The following CALN1 variants were observed in gnomAD, a reference collection of about 807,000 sequenced individuals.
CALN1 encodes the protein calneuron 1.
A neutral mutation model predicts 30.6 loss-of-function variants in CALN1; 17 were observed. That is an observed-to-expected ratio of 0.56 (90% CI 0.38 to 0.83). The LOEUF is 0.83. Ranked by LOEUF, CALN1 falls within the 40% of genes least tolerant of loss-of-function variation. The probability of loss-of-function intolerance (pLI) is 0.00; values close to 1 mark genes in which losing one functional copy is unlikely to be tolerated. For synonymous variants in CALN1, 156 were observed against 131.4 expected (o/e 1.19, Z -1.28); for missense variants, 291 against 354.9 (o/e 0.82, Z 1.45).
chr7:72,067,509 G>A (rs373783394), intron 4 of CALN1, among the ~76,000 whole-genome samples: 6 of 151,884 alleles, frequency 4.0e-5, no homozygotes, highest in African/African-American at 7.3e-5. Context: ...CTCAGCCTCC[G>A]GAAGTGTTGG....
At chr7:71,860,140 AT>A (rs1328670714) in intron 5 of CALN1, among the ~76,000 whole-genome samples, 3 of 151,730 alleles carry the variant, frequency 2.0e-5, no homozygotes, top group African/African-American at 7.3e-5. Flanking sequence ...GGGTGGGTGC[AT>A]TCCTCCTTTC....
chr7:71,883,714 C>T (rs922804219), intron 5 of CALN1, among the ~76,000 whole-genome samples: 8 of 152,114 alleles, frequency 5.3e-5, no homozygotes, highest in Non-Finnish European at 1.0e-4. Flanking sequence ...GGTCAAACAA[C>T]CTTGATGTGA....
chr7:71,817,574 G>T (rs1216780550), intron 5 of CALN1, among the ~76,000 whole-genome samples: 1 of 152,270 alleles, frequency 6.6e-6, no homozygotes, highest in African/African-American at 2.4e-5. Flanking sequence ...GGAGTGCAGT[G>T]GTGTGATCTC....
At chr7:72,461,570 C>G in the CALN1 span, among the ~76,000 whole-genome samples, 7 of 152,180 alleles carry the variant, frequency 4.6e-5, no homozygotes, top group African/African-American at 1.7e-4. Context: ...CAACCAAAAA[C>G]AGCATGTTCT....
intron 5 of CALN1, among the ~76,000 whole-genome samples, chr7:71,847,015 TGG>T (rs1322001146): frequency 1.3e-5 from 2 of 150,632 alleles, no homozygotes; most frequent in African/African-American, 4.9e-5. Flanking sequence ...GCTTATGTCA[TGG>T]AGGCTAATAA....
At chr7:72,377,330 C>T (rs1196661531) in intron 2 of CALN1, among the ~76,000 whole-genome samples, 1 of 152,012 alleles carries the variant, frequency 6.6e-6, no homozygotes, top group African/African-American at 2.4e-5. Flanking sequence ...ACATTTTACA[C>T]ATAGCTGATT....
At chr7:71,989,636 G>A (rs1034516518) in intron 5 of CALN1, among the ~76,000 whole-genome samples, 2 of 152,132 alleles carry the variant, frequency 1.3e-5, no homozygotes, top group Non-Finnish European at 2.9e-5. Flanking sequence ...TGCACTTTGC[G>A]ACAAATCGCA....
intron 4 of CALN1, among the ~76,000 whole-genome samples, chr7:72,099,156 C>G (rs922675402): frequency 3.3e-5 from 5 of 152,004 alleles, no homozygotes. Context: ...CTAATCACAG[C>G]CAGATGGGAC....
intron 3 of CALN1, among the ~76,000 whole-genome samples, chr7:72,134,115 T>C (rs1809346106): frequency 6.6e-6 from 1 of 152,194 alleles, no homozygotes; most frequent in Non-Finnish European, 1.5e-5. Context: ...TAGGCCCTTT[T>C]TGCTCTTCTG....
intron 4 of CALN1, among the ~76,000 whole-genome samples, chr7:72,042,681 A>G (rs1443429485): frequency 3.9e-5 from 6 of 152,108 alleles, no homozygotes; most frequent in Non-Finnish European, 2.9e-5. Context: ...GGCTGCAGTG[A>G]ACTCTGATTG....
intron 5 of CALN1, among the ~76,000 whole-genome samples, chr7:71,831,609 G>A (rs1789278326): frequency 6.6e-6 from 1 of 151,708 alleles, no homozygotes; most frequent in African/African-American, 2.4e-5. Flanking sequence ...TAAGAGGCTG[G>A]GCGTTGTGGT....
intron 2 of CALN1, among the ~76,000 whole-genome samples, chr7:72,374,827 C>T (rs930244283): frequency 1.3e-5 from 2 of 152,166 alleles, no homozygotes; most frequent in African/African-American, 4.8e-5. Context: ...ATTATTACCA[C>T]ATATTTTGCT....
intron 2 of CALN1, among the ~76,000 whole-genome samples, chr7:72,359,081 C>T (rs1268013245): frequency 6.6e-6 from 1 of 152,138 alleles, no homozygotes; most frequent in East Asian, 1.9e-4. Flanking sequence ...CTGCCAAAGG[C>T]CAGGCCCTCC....
At chr7:72,403,203 G>GCA in intron 2 of CALN1, 48 bp downstream of exon 2, 7 of 1,469,150 alleles carry the variant, frequency 4.8e-6, no homozygotes, top group Non-Finnish European at 6.4e-6. Context: ...CCCTACCTGA[G>GCA]GGCTGCCAAA....
intron 3 of CALN1, among the ~76,000 whole-genome samples, chr7:72,175,267 G>T (rs1396521432): frequency 6.6e-6 from 1 of 152,030 alleles, no homozygotes; most frequent in African/African-American, 2.4e-5. Context: ...TAGAGACAGG[G>T]TTTCACCGTG....
At chr7:72,082,470 G>C (rs1377799926) in intron 4 of CALN1, among the ~76,000 whole-genome samples, 1 of 152,188 alleles carries the variant, frequency 6.6e-6, no homozygotes, top group Non-Finnish European at 1.5e-5. Flanking sequence ...CTCCATGGCT[G>C]AGGTCCCTCC....
chr7:71,889,060 C>T (rs1562874643), intron 5 of CALN1, among the ~76,000 whole-genome samples: 1 of 152,206 alleles, frequency 6.6e-6, no homozygotes, highest in Non-Finnish European at 1.5e-5. Flanking sequence ...GGGACAGGTG[C>T]AGGAACTGCA....
intron 3 of CALN1, among the ~76,000 whole-genome samples, chr7:72,238,881 G>A (rs1008240498): frequency 6.6e-6 from 1 of 152,146 alleles, no homozygotes; most frequent in Non-Finnish European, 1.5e-5. Flanking sequence ...GGCTAATACA[G>A]TGTCATAGAA....
At chr7:72,287,045 AAT>A (rs1798128822) in intron 2 of CALN1, among the ~76,000 whole-genome samples, 1 of 152,248 alleles carries the variant, frequency 6.6e-6, no homozygotes, top group Non-Finnish European at 1.5e-5. Flanking sequence ...GCAGAATGAA[AAT>A]CTGCATTAAA....
Sources: gnomAD v4.1 joint callset for allele counts (sites outside exome capture counted in the v4.1 genomes callset) on GRCh38, gnomAD v4.1.1 for gene constraint, MANE v1.5 for transcripts, NCBI Gene and HGNC (gene_info 2026-07-23, HGNC 2026-07-21) for gene names.